Variants in TMEM161B observed in about 807,000 individuals in gnomAD.
The protein encoded by TMEM161B is transmembrane protein 161B.
TMEM161B carries 34 observed loss-of-function variants against 61.8 expected under a neutral mutation model. The ratio of observed to expected loss-of-function variants is 0.55; its 90% CI spans 0.42 to 0.73. TMEM161B has a LOEUF of 0.73. Among genes scored for constraint, TMEM161B ranks in the 30% least tolerant of loss-of-function variants. The pLI, the probability that TMEM161B is intolerant of heterozygous loss-of-function variation, is 0.00. For synonymous variants in TMEM161B, 167 were observed against 192.8 expected, an observed-to-expected ratio of 0.87 and a Z score of 1.11; for missense variants, 456 against 558.5, an observed-to-expected ratio of 0.82 and a Z score of 1.85.
At chr5:88,261,748 A>G (rs2112780056) in intron 1 of TMEM161B, among the ~76,000 whole-genome samples, 1 of 150,928 alleles carries the variant, frequency 6.6e-6, no homozygotes, top group Non-Finnish European at 1.5e-5. Flanking sequence ...AAAAAAAAAA[A>G]AAAGACTCTA....
In TMEM161B at chr5:88,205,802, T is replaced by C; in HGVS notation, c.800+12A>G. ...ATTTATCTGCATGTGCTTATGTACA[T>C]TTTCCGCTTACTGTGTAATTTTTTC... On this transcript the variant is annotated intron_variant, in intron 8 of 11. Transcript: ENST00000296595. 1 of 1,611,634 alleles carries C rather than the reference T, an allele frequency of 6.2e-7. No individual in the cohort carries two copies. The highest frequency in any genetic ancestry group is 2.2e-5 in the East Asian group (1 of 44,708).
downstream of TMEM161B, among the ~76,000 whole-genome samples, chr5:88,194,796 G>C (rs1749354674): frequency 6.6e-6 from 1 of 151,992 alleles, no homozygotes; most frequent in Non-Finnish European, 1.5e-5. Flanking sequence ...GAAACATAAA[G>C]ACAGCCTCTT....
At chr5:88,265,437 T>C (rs1470849714) in intron 1 of TMEM161B, among the ~76,000 whole-genome samples, 2 of 152,184 alleles carry the variant, frequency 1.3e-5, no homozygotes, top group Non-Finnish European at 2.9e-5. Context: ...GTCCCTCACA[T>C]GCACAGTTCA....
At chr5:88,198,826 C>T (rs1750153730) in intron 10 of TMEM161B, 150 bp downstream of exon 10, 3 of 733,262 alleles carry the variant, frequency 4.1e-6, no homozygotes, top group Admixed American at 6.6e-5. Flanking sequence ...ATCAAGGTCT[C>T]TTTGATATCT....
At chr5:88,186,490 A>G (rs1210239861), downstream of TMEM161B, among the ~76,000 whole-genome samples, 1 of 151,898 alleles carries the variant, frequency 6.6e-6, no homozygotes, top group Non-Finnish European at 1.5e-5. Flanking sequence ...CCATTTCCTA[A>G]TCTATTTTTT....
intron 5 of TMEM161B, among the ~76,000 whole-genome samples, chr5:88,217,045 G>T (rs959498568): frequency 6.6e-6 from 1 of 152,110 alleles, no homozygotes; most frequent in African/African-American, 2.4e-5. Context: ...TCAAATACAG[G>T]GTTGATGAAT....
intron 1 of TMEM161B, among the ~76,000 whole-genome samples, chr5:88,258,834 G>A (rs780239651): frequency 6.6e-5 from 10 of 152,120 alleles, no homozygotes; most frequent in South Asian, 2.1e-4. Flanking sequence ...TCAGCTAAGC[G>A]CTGTGTAAAG....
rs1042147913 is a variant in TMEM161B, at chr5:88,207,534, C to T, written c.447-354G>A. Among the ~76,000 whole-genome samples, 6 of 152,072 alleles carry T rather than the reference C, an allele frequency of 3.9e-5. 1 individual carries two copies. In the South Asian group the frequency reaches 6.2e-4, roughly 16 times the overall value. On this transcript the variant is annotated intron_variant, in intron 5 of 11. Coordinates refer to ENST00000296595, the MANE Select transcript of TMEM161B (RefSeq NM_153354.5). Reference sequence around the variant, plus strand: ...TTAAACACATAACACAGGAATCCTCCGTAATAATTCAACAAGTTAAAATTT... The same window carrying T: ...TTAAACACATAACACAGGAATCCTCTGTAATAATTCAACAAGTTAAAATTT...
downstream of TMEM161B, among the ~76,000 whole-genome samples, chr5:88,192,964 A>G (rs992459426): frequency 5.9e-5 from 9 of 152,174 alleles, no homozygotes; most frequent in Admixed American, 2.0e-4. Context: ...TAATGGATGA[A>G]TATCTCTTCT....
chr5:88,222,113 T>A (rs1220451822), intron 4 of TMEM161B, among the ~76,000 whole-genome samples: 1 of 152,192 alleles, frequency 6.6e-6, no homozygotes, highest in Non-Finnish European at 1.5e-5. Context: ...CTTTAGGTTT[T>A]CTGAGAGTGC....
chr5:88,239,020 C>CA (rs1752309182), intron 2 of TMEM161B, among the ~76,000 whole-genome samples: 1 of 151,886 alleles, frequency 6.6e-6, no homozygotes, highest in Admixed American at 6.6e-5. Context: ...AAAAGCAAGT[C>CA]AAGATCACAA....
At chr5:88,220,866 T>A in intron 4 of TMEM161B, 147 bp from the exon 5 acceptor site, 2 of 1,181,398 alleles carry the variant, frequency 1.7e-6, no homozygotes, top group Non-Finnish European at 2.2e-6. Flanking sequence ...TACAAATATA[T>A]GAATCTAAAA....
intron 1 of TMEM161B, among the ~76,000 whole-genome samples, chr5:88,256,963 T>C (rs1056852519): frequency 1.3e-5 from 2 of 152,246 alleles, no homozygotes; most frequent in African/African-American, 2.4e-5. Context: ...TTTAATGAGA[T>C]AGCTTTGTGT....
chr5:88,198,011 T>C (rs1332611836), intron 10 of TMEM161B: 2 of 317,388 alleles, frequency 6.3e-6, no homozygotes, highest in African/African-American at 4.3e-5. Flanking sequence ...TCTTAAATGA[T>C]GTATATATAT....
intron 2 of TMEM161B, among the ~76,000 whole-genome samples, chr5:88,239,072 T>C (rs1000533747): frequency 2.0e-5 from 3 of 152,014 alleles, no homozygotes; most frequent in African/African-American, 7.2e-5. Flanking sequence ...CTGAGCTTAC[T>C]CTCAAATTAT....
At chr5:88,252,614 G>A (rs1471391562) in intron 1 of TMEM161B, among the ~76,000 whole-genome samples, 1 of 152,162 alleles carries the variant, frequency 6.6e-6, no homozygotes, top group Admixed American at 6.5e-5. Flanking sequence ...ATTTCAAGAT[G>A]TTTTAGTTTG....
intron 5 of TMEM161B, among the ~76,000 whole-genome samples, chr5:88,211,523 G>GCTGAGGTGGGCAGATCAC (rs1746761451): frequency 1.3e-5 from 2 of 152,098 alleles, no homozygotes; most frequent in African/African-American, 4.8e-5. Flanking sequence ...ACTTTGGGAG[G>GCTGAGGTGGGCAGATCAC]CTGAGGTGGG....
chr5:88,215,531 A>AT (rs1428273536), intron 5 of TMEM161B, among the ~76,000 whole-genome samples: 3 of 152,114 alleles, frequency 2.0e-5, no homozygotes, highest in Non-Finnish European at 4.4e-5. Flanking sequence ...CATACACACA[A>AT]TTTTACTGCC....
At chr5:88,257,936 G>A (rs1177496269) in intron 1 of TMEM161B, among the ~76,000 whole-genome samples, 2 of 152,120 alleles carry the variant, frequency 1.3e-5, no homozygotes, top group East Asian at 3.8e-4. Flanking sequence ...TCTCAGATAC[G>A]TGGCCAATTC....
Sources: allele counts gnomAD v4.1 joint callset (sites outside exome capture counted in the v4.1 genomes callset), GRCh38; gene constraint gnomAD v4.1.1; transcripts MANE v1.5; gene names NCBI Gene and HGNC (gene_info 2026-07-23, HGNC 2026-07-21).